KCNN2: variants seen among roughly 807,000 people sequenced by gnomAD.
KCNN2 encodes small conductance calcium-activated potassium channel protein 2.
A neutral mutation model predicts 55.5 loss-of-function variants in KCNN2; 24 were observed. The observed-to-expected ratio is 0.43, with a 90% CI of 0.31 to 0.61. The LOEUF is 0.61. KCNN2 is among the 20% of genes least tolerant of loss of function. The pLI, the probability that KCNN2 is intolerant of heterozygous loss-of-function variation, is 0.08. For synonymous variants in KCNN2, 431 were observed against 336.1 expected (o/e 1.28, Z -3.09); for missense variants, 754 against 853.6 (o/e 0.88, Z 1.45).
intron 3 of KCNN2, among the ~76,000 whole-genome samples, chr5:114,426,532 A>G (rs1759630348): frequency 6.6e-6 from 1 of 152,118 alleles, no homozygotes; most frequent in South Asian, 2.1e-4. Flanking sequence ...TGTTCCTTCC[A>G]TTTTTTTAAA....
At chr5:114,358,018 T>A (rs958388279), upstream of KCNN2, among the ~76,000 whole-genome samples, 21 of 151,308 alleles carry the variant, frequency 1.4e-4, no homozygotes, top group African/African-American at 2.9e-4. Flanking sequence ...GGTATCTCAT[T>A]GTGGTTTTGA....
At position 114,161,733 on chromosome 5, in the gene KCNN2, T is replaced by C. The variant is rs910567719; in HGVS notation, c.-270-59747T>C. Among the ~76,000 whole-genome samples, 7 of 152,232 alleles carry C rather than the reference T, an allele frequency of 4.6e-5. No homozygotes were observed. In the East Asian group the frequency reaches 1.2e-3, roughly 25 times the overall value. On this transcript the variant is annotated intron_variant, in intron 1 of 10. Coordinates refer to the KCNN2 transcript ENST00000512097. ...TTCTTTTTTCTCTAAACTTCTTTTCTCGCTTCATTTCATTCGTTTTGTCTT... is the reference window on the plus strand; with the variant it reads ...TTCTTTTTTCTCTAAACTTCTTTTCCCGCTTCATTTCATTCGTTTTGTCTT...
chr5:114,059,788 A>C (rs1004184882), intron 1 of KCNN2, among the ~76,000 whole-genome samples: 1 of 152,222 alleles, frequency 6.6e-6, no homozygotes, highest in African/African-American at 2.4e-5. Context: ...AGAGCCCCTG[A>C]AGGTCAAACA....
chr5:114,240,707 G>C (rs1378324799), intron 2 of KCNN2, among the ~76,000 whole-genome samples: 2 of 152,070 alleles, frequency 1.3e-5, no homozygotes, highest in African/African-American at 4.8e-5. Flanking sequence ...TGGGATTACA[G>C]GCATGAGTCA....
At chr5:114,228,192 A>G (rs1272733973) in intron 2 of KCNN2, among the ~76,000 whole-genome samples, 1 of 152,148 alleles carries the variant, frequency 6.6e-6, no homozygotes, top group Non-Finnish European at 1.5e-5. Context: ...CAATTATTAG[A>G]ATCAAATTCT....
At chr5:114,212,242 G>A (rs1753901973) in intron 1 of KCNN2, among the ~76,000 whole-genome samples, 1 of 152,098 alleles carries the variant, frequency 6.6e-6, no homozygotes, top group Middle Eastern at 3.4e-3. Flanking sequence ...GATACATACA[G>A]TAGTACTGCT....
At chr5:114,219,648 A>C (rs1754089499) in intron 1 of KCNN2, among the ~76,000 whole-genome samples, 1 of 152,018 alleles carries the variant, frequency 6.6e-6, no homozygotes, top group Non-Finnish European at 1.5e-5. Flanking sequence ...TATGTGCTTT[A>C]GGAAGATGTA....
chr5:114,065,748 C>T (rs1750431313), intron 1 of KCNN2, among the ~76,000 whole-genome samples: 1 of 151,460 alleles, frequency 6.6e-6, no homozygotes, highest in African/African-American at 2.4e-5. Flanking sequence ...CCAAGTCTTT[C>T]CTGGTATAGA....
intron 1 of KCNN2, among the ~76,000 whole-genome samples, chr5:114,163,991 A>G (rs559575473): frequency 3.3e-5 from 5 of 152,278 alleles, no homozygotes; most frequent in South Asian, 2.1e-4. Context: ...AGATGTTTTC[A>G]TTATTTAATG....
At chr5:114,490,696 G>T in intron 6 of KCNN2, 1 of 397,982 alleles carries the variant, frequency 2.5e-6, no homozygotes, top group Non-Finnish European at 4.4e-6. Context: ...AATAGAGCTC[G>T]GAAGTAAGTT....
chr5:114,183,024 A>T (rs1753267777), intron 1 of KCNN2, among the ~76,000 whole-genome samples: 1 of 152,082 alleles, frequency 6.6e-6, no homozygotes, highest in South Asian at 2.1e-4. Context: ...AATCAGATTG[A>T]GGAGAGGAAC....
At chr5:114,420,574 A>G (rs146444125) in intron 3 of KCNN2, among the ~76,000 whole-genome samples, 2 of 152,222 alleles carry the variant, frequency 1.3e-5, no homozygotes, top group African/African-American at 2.4e-5. Context: ...TTTGCCTGCT[A>G]TCTCTCTTAA....
At chr5:114,421,074 T>G (rs1469074115) in intron 3 of KCNN2, among the ~76,000 whole-genome samples, 1 of 152,250 alleles carries the variant, frequency 6.6e-6, no homozygotes, top group Non-Finnish European at 1.5e-5. Context: ...CAATACAGCC[T>G]AATTTGTCTT....
intron 4 of KCNN2, among the ~76,000 whole-genome samples, chr5:114,469,331 G>A (rs182205055): frequency 1.1e-4 from 17 of 152,206 alleles, no homozygotes; most frequent in African/African-American, 3.1e-4. Flanking sequence ...CAAGCCAAGC[G>A]AAACCTGAAC....
In KCNN2 at chr5:114,123,477, C is replaced by G. The variant is rs1276381325; in HGVS notation, c.-271+66977C>G. Reference sequence around the variant, plus strand: ...TCCCGGGTTCACGCCATTCTCCTGTCTCAGCCTCCCGCGTAGCTGGGACTA... The same window carrying G: ...TCCCGGGTTCACGCCATTCTCCTGTGTCAGCCTCCCGCGTAGCTGGGACTA... On this transcript the variant is annotated intron_variant, in intron 1 of 10. Coordinates refer to the KCNN2 transcript ENST00000512097. Among the ~76,000 whole-genome samples, 4 of 112,598 alleles carry G rather than the reference C, an allele frequency of 3.6e-5. 2 individuals carry two copies. The highest frequency in any genetic ancestry group is 1.6e-4 in the African/African-American group (4 of 24,638). The allele number at this position is 112,598 out of a possible 152,430, so 73.9% of individuals were successfully genotyped here. A position where few individuals can be genotyped will look rare whatever the true frequency, so the allele number is the denominator to read the frequency against.
intron 1 of KCNN2, among the ~76,000 whole-genome samples, chr5:114,196,638 A>T (rs948809357): frequency 6.6e-6 from 1 of 151,982 alleles, no homozygotes; most frequent in Non-Finnish European, 1.5e-5. Context: ...ATTTGTTGGT[A>T]TATAGTTATT....
chr5:114,295,491 G>GA (rs1276304078), intron 2 of KCNN2, among the ~76,000 whole-genome samples: 3 of 152,166 alleles, frequency 2.0e-5, no homozygotes, highest in Non-Finnish European at 4.4e-5. Context: ...ATGGGCATGG[G>GA]ACCCTCCGAG....
chr5:114,393,509 CCT>C (rs1758518110), intron 2 of KCNN2, among the ~76,000 whole-genome samples: 2 of 152,010 alleles, frequency 1.3e-5, no homozygotes, highest in African/African-American at 2.4e-5. Flanking sequence ...ATTCTTCCCT[CCT>C]CTGTTTTTTA....
At chr5:114,475,485 A>G (rs1182827323) in intron 5 of KCNN2, among the ~76,000 whole-genome samples, 2 of 152,182 alleles carry the variant, frequency 1.3e-5, no homozygotes, top group Non-Finnish European at 2.9e-5. Flanking sequence ...AGTCTCTCTT[A>G]AAAGATACTG....
Sources: gnomAD v4.1 joint callset for allele counts (sites outside exome capture counted in the v4.1 genomes callset) on GRCh38, gnomAD v4.1.1 for gene constraint, MANE v1.5 for transcripts, NCBI Gene and HGNC (gene_info 2026-07-23, HGNC 2026-07-21) for gene names.